ASXL1: variants seen among roughly 807,000 people sequenced by gnomAD.
ASXL1 encodes ASXL transcriptional regulator 1.
Under a neutral mutation model 89.1 loss-of-function variants are expected in ASXL1, and 65 were observed. The observed-to-expected ratio is 0.73, with a 90% CI of 0.60 to 0.90. The LOEUF (loss-of-function observed/expected upper bound fraction) is 0.90, where lower values mean the gene tolerates loss of function less well. ASXL1 is among the 40% of genes least tolerant of loss of function. The probability of loss-of-function intolerance (pLI) is 0.00; values close to 1 mark genes in which losing one functional copy is unlikely to be tolerated. For synonymous variants in ASXL1, 739 were observed against 746.9 expected, an observed-to-expected ratio of 0.99 and a Z score of 0.17; for missense variants, 1,786 against 1,942.9, an observed-to-expected ratio of 0.92 and a Z score of 1.52.
Position 32,434,645 on chromosome 20 carries a change from G to T in ASXL1, c.1933G>T (p.Gly645Cys), listed in dbSNP as rs2011676360. The T allele has an allele frequency of 1.2e-6, 2 of 1,605,416 alleles. No individual in the cohort carries two copies. Among genetic ancestry groups the T allele is most frequent in the Non-Finnish European group, 8.5e-7 (1 of 1,175,846 alleles). ...GGCCACCACTGCCATCGGAGGGGGG[G>T]GTGGCCCGGGTGGAGGTGGCGGCGG... is the stretch of plus-strand genomic sequence containing the variant. ...EAATTAIGGG[G>C]GPGGGGGGAT... Residue 645 changes from glycine to cysteine, a missense_variant, in exon 13 of 13, where the codon GGT becomes TGT. This residue lies in a region of ASXL1 where 1,418 missense variants were observed against 1,427.8 expected (regional missense o/e 0.99). Transcript: ENST00000375687.
chr20:32,387,119 G>A (rs2048592813), intron 4 of ASXL1, among the ~76,000 whole-genome samples: 1 of 151,878 alleles, frequency 6.6e-6, no homozygotes, highest in Admixed American at 6.6e-5. Context: ...GGCCAACATG[G>A]TGAAACCCCT....
At chr20:32,399,895 G>A (rs2048843300) in intron 4 of ASXL1, among the ~76,000 whole-genome samples, 1 of 151,060 alleles carries the variant, frequency 6.6e-6, no homozygotes, top group Non-Finnish European at 1.5e-5. Context: ...CCGAGTAGCT[G>A]GGACTACAGG....
At position 32,438,385 on chromosome 20, in the gene ASXL1, A is replaced by G. The variant is rs1389352294; in HGVS notation, c.*1047A>G. On this transcript the variant is annotated 3_prime_UTR_variant, in exon 13 of 13. Coordinates refer to ENST00000375687, the MANE Select transcript of ASXL1 (RefSeq NM_015338.6). ...TTCCTAATTTTACATCTTCAGCATCATTGCATTAAAGTGGTGTAATCTCCT... is the reference window on the plus strand; with the variant it reads ...TTCCTAATTTTACATCTTCAGCATCGTTGCATTAAAGTGGTGTAATCTCCT... 4.3e-6 allele frequency: 1 copy of G among 233,470 alleles called. No individual in the cohort carries two copies. Among genetic ancestry groups the G allele is most frequent in the Non-Finnish European group, 8.5e-6 (1 of 118,000 alleles). The allele number at this position is 233,470 out of a possible 1,614,324, so 14.5% of individuals were successfully genotyped here. A position where few individuals can be genotyped will look rare whatever the true frequency, so the allele number is the denominator to read the frequency against.
chr20:32,366,591 A>C (rs1194958382), intron 2 of ASXL1, 125 bp downstream of exon 2: 1 of 1,558,004 alleles, frequency 6.4e-7, no homozygotes, highest in Admixed American at 1.9e-5. Context: ...AGTGAGATGG[A>C]ACTATCCATT....
rs1313492286 is a variant in ASXL1, at chr20:32,437,048, A to G, written c.4336A>G (p.Lys1446Glu). ...GCAGGCATTTTATGGGAAGCTTTCT[A>G]AACTCCAACTGAGTTCCACCAGCTT... is the stretch of plus-strand genomic sequence containing the variant. ...IKQAFYGKLSKLQLSSTSFNY... is the reference protein window; with the variant it reads ...IKQAFYGKLSELQLSSTSFNY... The change falls in exon 13 of 13, where the codon AAA (lysine) becomes GAA (glutamate). Residue 1446 changes from lysine to glutamate, a missense_variant. This residue lies in a region of ASXL1 where 1,418 missense variants were observed against 1,427.8 expected (regional missense o/e 0.99). Coordinates refer to ENST00000375687, the MANE Select transcript of ASXL1 (RefSeq NM_015338.6). 1 of 1,614,118 alleles carries G rather than the reference A, an allele frequency of 6.2e-7. No homozygotes were observed. The highest frequency in any genetic ancestry group is 1.3e-5 in the African/African-American group (1 of 75,014).
At chr20:32,397,781 C>T (rs2048795982) in intron 4 of ASXL1, among the ~76,000 whole-genome samples, 1 of 152,238 alleles carries the variant, frequency 6.6e-6, no homozygotes, top group Non-Finnish European at 1.5e-5. Flanking sequence ...GCATTGAAAG[C>T]TGTCCTGGGC....
At position 32,436,470 on chromosome 20, in the gene ASXL1, G is replaced by GC. The variant is rs760507444; in HGVS notation, c.3758_3759insC (p.Asn1254Ter). Reference sequence around the variant, plus strand: ...GAAGTCCGTGCTATGTCACAGGACAGTAATTCAAATGCTGCTCCAGGAAAG... The same window carrying GC: ...GAAGTCCGTGCTATGTCACAGGACAGCTAATTCAAATGCTGCTCCAGGAAAG... On this transcript the variant is annotated frameshift_variant, in exon 13 of 13. Coordinates refer to ENST00000375687, the MANE Select transcript of ASXL1 (RefSeq NM_015338.6). LOFTEE classifies it high-confidence loss of function. 6.2e-7 allele frequency: 1 copy of GC among 1,614,160 alleles called. No homozygotes were observed. Among genetic ancestry groups the GC allele is most frequent in the Non-Finnish European group, 8.5e-7 (1 of 1,180,050 alleles).
At chr20:32,427,731 C>G in intron 4 of ASXL1, 1 of 273,772 alleles carries the variant, frequency 3.7e-6, no homozygotes, top group Non-Finnish European at 7.1e-6. Flanking sequence ...AGTTAGGTGC[C>G]CCTCTTCTGG....
In ASXL1 at chr20:32,406,466, A is replaced by G. The variant is rs563402317; in HGVS notation, c.253-21662A>G. 1.5e-3 allele frequency among the ~76,000 whole-genome samples: 234 copies of G among 152,150 alleles called. 1 individual carries two copies. The highest frequency in any genetic ancestry group is 6.9e-4 in the Non-Finnish European group (47 of 68,004). Reference sequence around the variant, plus strand: ...CTCAGGAGGCTGAGGTGGGAGGATCACTTGAGCCCAGGAGGTCAAGGCTAC... The same window carrying G: ...CTCAGGAGGCTGAGGTGGGAGGATCGCTTGAGCCCAGGAGGTCAAGGCTAC... On this transcript the variant is annotated intron_variant, in intron 4 of 12. Coordinates refer to ENST00000375687, the MANE Select transcript of ASXL1 (RefSeq NM_015338.6).
At position 32,417,383 on chromosome 20, in the gene ASXL1, C is replaced by A. The variant is rs2049156142; in HGVS notation, c.253-10745C>A. 3.9e-5 allele frequency among the ~76,000 whole-genome samples: 6 copies of A among 152,142 alleles called. No individual in the cohort carries two copies. The South Asian group carries it at 1.2e-3, about 31-fold the overall frequency. ...TCCTTTCTTATTATTAGTAAGAACT[C>A]AGACAATTTCTTTACGTTATATTCC... On this transcript the variant is annotated intron_variant, in intron 4 of 12. Transcript: ENST00000375687.
intron 1 of ASXL1, chr20:32,359,139 C>T (rs1414768853): frequency 3.2e-6 from 2 of 628,300 alleles, no homozygotes; most frequent in Non-Finnish European, 5.7e-6. Context: ...TCCCCTCCCC[C>T]ACTATTTGGC....
rs769761920 is a variant in ASXL1, at chr20:32,436,629, G to A, written c.3917G>A (p.Gly1306Asp). 3.1e-6 allele frequency: 5 copies of A among 1,613,994 alleles called. No homozygotes were observed. In the African/African-American group the frequency reaches 5.3e-5, roughly 17 times the overall value. The change falls in exon 13 of 13, where the codon GGC becomes GAC. Residue 1306 changes from glycine (G) to aspartate (D), a missense_variant. Physicochemically the swap from Gly to Asp is moderately conservative, Grantham distance 94 (BLOSUM62 -1). This residue lies in a region of ASXL1 where 1,418 missense variants were observed against 1,427.8 expected (regional missense o/e 0.99). Coordinates refer to ENST00000375687, the MANE Select transcript of ASXL1 (RefSeq NM_015338.6). ...NVTGQGKKLF[G>D]SGNVAATLQR... ...ACAGGCCAAGGGAAGAAGCTTTTTG[G>A]CTCTGGGAATGTGGCTGCAACCCTT... is the stretch of plus-strand genomic sequence containing the variant.
intron 4 of ASXL1, among the ~76,000 whole-genome samples, chr20:32,406,633 C>G (rs1323072906): frequency 6.6e-6 from 1 of 152,184 alleles, no homozygotes; most frequent in Non-Finnish European, 1.5e-5. Context: ...CAGATGTCCT[C>G]TTTACTTTGC....
In ASXL1 at chr20:32,426,541, C is replaced by CT. The variant is rs1014372390; in HGVS notation, c.253-1579dup. Among the ~76,000 whole-genome samples, 51 of 92,564 alleles carry CT rather than the reference C, an allele frequency of 5.5e-4. 8 individuals carry two copies. The East Asian group carries it at 6.9e-3, about 13-fold the overall frequency. 60.7% of individuals were successfully genotyped at this position (92,564 alleles called of 152,430 possible). ...AGGTAAAGATGTAGAAAACTGTTTT[C>CT]TTTTTTTTCTTTCTTTTTTTTTTTT... On this transcript the variant is annotated intron_variant, in intron 4 of 12. Transcript: ENST00000375687.
intron 4 of ASXL1, among the ~76,000 whole-genome samples, chr20:32,382,795 G>A (rs2048511997): frequency 6.6e-6 from 1 of 151,836 alleles, no homozygotes; most frequent in African/African-American, 2.4e-5. Context: ...CAAAAAAAAT[G>A]AATTTTTGCA....
chr20:32,434,836 G>C lies in ASXL1; in HGVS notation c.2124G>C (p.Gln708His), dbSNP rs2145363603. Residue 708 changes from glutamine to histidine, a missense_variant, in exon 13 of 13, where the codon CAG (glutamine) becomes CAC (histidine). Coordinates refer to ENST00000375687, the MANE Select transcript of ASXL1 (RefSeq NM_015338.6). ...PPYPLNGEHT[Q>H]AGTAMSRARR... ...ATCCTCTAAATGGGGAGCATACCCA[G>C]GCCGGAACTGCCATGTCCAGAGCTA... The C allele has an allele frequency of 1.2e-6, 2 of 1,614,154 alleles. No individual in the cohort carries two copies. The highest frequency in any genetic ancestry group is 1.7e-6 in the Non-Finnish European group (2 of 1,180,044).
At chr20:32,402,728 T>A (rs1312652496) in intron 4 of ASXL1, among the ~76,000 whole-genome samples, 1 of 152,238 alleles carries the variant, frequency 6.6e-6, no homozygotes, top group East Asian at 1.9e-4. Flanking sequence ...TATCTTTTCA[T>A]CTCCTTAGGT....
rs560839570 is a variant in ASXL1, at chr20:32,383,399, CG to C, written c.252+14279del. Among the ~76,000 whole-genome samples the C allele has an allele frequency of 3.8e-4, 58 of 152,056 alleles. No homozygotes were observed. The South Asian group carries it at 6.0e-3, about 16-fold the overall frequency. On this transcript the variant is annotated intron_variant, in intron 4 of 12. Transcript: ENST00000375687. ...TCGGCTCACTGCAAGCTCTGCCTCCCGGGTTCACGCCATTCTCCTGCCTCAG... is the reference window on the plus strand; with the variant it reads ...TCGGCTCACTGCAAGCTCTGCCTCCCGGTTCACGCCATTCTCCTGCCTCAG...
rs1266042922 is a variant in ASXL1, at chr20:32,435,581, A to G, written c.2869A>G (p.Thr957Ala). 1.2e-6 allele frequency: 2 copies of G among 1,613,984 alleles called. No homozygotes were observed. The highest frequency in any genetic ancestry group is 3.3e-5 in the Admixed American group (2 of 59,998). The change falls in exon 13 of 13, where the codon ACT (threonine) becomes GCT (alanine). Residue 957 changes from threonine (T) to alanine (A), a missense_variant. Coordinates refer to ENST00000375687, the MANE Select transcript of ASXL1 (RefSeq NM_015338.6). Reference sequence around the variant, plus strand: ...GGGTCTAGATCCTCTTGACAGCCTTACTTCACTCTGGACTGTGCCATCTCG... The same window carrying G: ...GGGTCTAGATCCTCTTGACAGCCTTGCTTCACTCTGGACTGTGCCATCTCG... ...EEGLDPLDSL[T>A]SLWTVPSRGG...
Sources: allele counts gnomAD v4.1 joint callset (sites outside exome capture counted in the v4.1 genomes callset), GRCh38; gene constraint gnomAD v4.1.1; regional missense constraint gnomAD v4.1.1; transcripts MANE v1.5; gene names NCBI Gene and HGNC (gene_info 2026-07-23, HGNC 2026-07-21).